Variants in RGS22 observed in about 807,000 individuals in gnomAD.
RGS22 encodes the protein regulator of G-protein signaling 22.
In RGS22, 148 loss-of-function variants were observed where a neutral mutation model predicts 172.9. The ratio of observed to expected loss-of-function variants is 0.86; its 90% CI spans 0.75 to 0.98. The LOEUF (loss-of-function observed/expected upper bound fraction) is 0.98, where lower values mean the gene tolerates loss of function less well. Among genes scored for constraint, RGS22 ranks in the 50% least tolerant of loss-of-function variants. The pLI, the probability that RGS22 is intolerant of heterozygous loss-of-function variation, is 0.00. For synonymous variants in RGS22, 458 were observed against 480.2 expected (o/e 0.95, Z 0.60); for missense variants, 1,347 against 1,440.8 (o/e 0.93, Z 1.05).
At chr8:100,076,077 CTTTTTA>C (rs1485599631) in intron 4 of RGS22, among the ~76,000 whole-genome samples, 1 of 151,952 alleles carries the variant, frequency 6.6e-6, no homozygotes, top group Non-Finnish European at 1.5e-5. Flanking sequence ...GGTTATTTGT[CTTTTTA>C]TTTTTGAGTT....
chr8:100,041,021 A>C (rs1820043960), intron 12 of RGS22, among the ~76,000 whole-genome samples: 1 of 152,244 alleles, frequency 6.6e-6, no homozygotes, highest in Non-Finnish European at 1.5e-5. Flanking sequence ...ATTTGCATAG[A>C]ATAAAATAAA....
intron 14 of RGS22, among the ~76,000 whole-genome samples, chr8:100,024,465 T>C (rs186230367): frequency 1.3e-5 from 2 of 152,186 alleles, no homozygotes; most frequent in East Asian, 3.9e-4. Flanking sequence ...AGTTCATGAA[T>C]TTTTTCAATA....
chr8:99,964,211 G>A (rs1810490039), intron 24 of RGS22, among the ~76,000 whole-genome samples: 1 of 152,132 alleles, frequency 6.6e-6, no homozygotes, highest in African/African-American at 2.4e-5. Flanking sequence ...CTAGCACTTT[G>A]GAAGGCTAAG....
At position 99,961,011 on chromosome 8, in the gene RGS22, T is replaced by C. The variant is rs1450498318; in HGVS notation, c.*231A>G. On this transcript the variant is annotated 3_prime_UTR_variant, in exon 28 of 28. Coordinates refer to ENST00000360863, the MANE Select transcript of RGS22 (RefSeq NM_015668.5). ...ACAGTTCTTATAGTCTTGTATGTCA[T>C]GTGTACAGAATAGCTATAATTTTAA... 3.4e-6 allele frequency: 1 copy of C among 297,830 alleles called. No individual in the cohort carries two copies. Among genetic ancestry groups the C allele is most frequent in the Non-Finnish European group, 6.6e-6 (1 of 151,362 alleles). 18.4% of individuals were successfully genotyped at this position (297,830 alleles called of 1,614,324 possible). A position where few individuals can be genotyped will look rare whatever the true frequency, so the allele number is the denominator to read the frequency against.
At chr8:100,024,571 A>T (rs927466932) in intron 14 of RGS22, among the ~76,000 whole-genome samples, 7 of 152,224 alleles carry the variant, frequency 4.6e-5, no homozygotes, top group African/African-American at 1.7e-4. Flanking sequence ...CACGGAGAAA[A>T]AAAATATTAA....
chr8:100,000,521 T>A (rs1399634485), intron 18 of RGS22, among the ~76,000 whole-genome samples: 2 of 152,152 alleles, frequency 1.3e-5, no homozygotes, highest in African/African-American at 4.8e-5. Flanking sequence ...TTAAAAGTGA[T>A]GACAAAGACA....
chr8:99,983,070 T>C (rs539032184), intron 21 of RGS22, among the ~76,000 whole-genome samples: 2 of 152,316 alleles, frequency 1.3e-5, no homozygotes, highest in African/African-American at 4.8e-5. Flanking sequence ...TGGTTTTCTT[T>C]TCCTGCATTA....
chr8:99,991,060 C>T (rs202023430), intron 20 of RGS22, among the ~76,000 whole-genome samples: 1 of 151,956 alleles, frequency 6.6e-6, no homozygotes, highest in Admixed American at 6.6e-5. Flanking sequence ...CAGAAAGGAA[C>T]AGCATCAACA....
At chr8:100,013,174 A>G (rs1378753209) in intron 14 of RGS22, among the ~76,000 whole-genome samples, 1 of 151,984 alleles carries the variant, frequency 6.6e-6, no homozygotes, top group African/African-American at 2.4e-5. Context: ...TATTTTTAGT[A>G]GAGATGGGGT....
At chr8:100,059,669 A>T (rs570996777) in intron 9 of RGS22, among the ~76,000 whole-genome samples, 32 of 152,288 alleles carry the variant, frequency 2.1e-4, no homozygotes, top group Middle Eastern at 3.4e-3. Flanking sequence ...ACAAAGAGAG[A>T]TAGGTCCCAA....
chr8:100,029,117 C>A (rs1371288812), intron 14 of RGS22, among the ~76,000 whole-genome samples: 1 of 152,120 alleles, frequency 6.6e-6, no homozygotes, highest in African/African-American at 2.4e-5. Flanking sequence ...CAATGTGTTA[C>A]CCTGATGTCC....
At chr8:100,075,120 T>G (rs1475740802) in intron 4 of RGS22, among the ~76,000 whole-genome samples, 1 of 152,112 alleles carries the variant, frequency 6.6e-6, no homozygotes, top group Non-Finnish European at 1.5e-5. Context: ...TGGGTAATAC[T>G]CAGGAGTAGG....
intron 10 of RGS22, among the ~76,000 whole-genome samples, chr8:100,049,232 C>CA (rs1255140114): frequency 6.6e-6 from 1 of 152,094 alleles, no homozygotes; most frequent in Non-Finnish European, 1.5e-5. Flanking sequence ...GGTGGATACA[C>CA]AATGTATACT....
In RGS22 at chr8:100,062,627, A is replaced by G. The variant is rs771043124; in HGVS notation, c.1478T>C (p.Ile493Thr). The G allele has an allele frequency of 1.2e-6, 2 of 1,605,004 alleles. No homozygotes were observed. The highest frequency in any genetic ancestry group is 1.7e-5 in the Admixed American group (1 of 59,062). The part of the protein sequence containing the change: ...SQWNEEHLRN[I>T]QSEVLKPLLL... ...TAAAGGTTTTAAAACTTCAGACTGA[A>G]TATTTCTTAAATGCTCTTCATTCCA... Residue 493 changes from isoleucine to threonine, a missense_variant, in exon 9 of 28, where the codon ATT becomes ACT. Physicochemically the swap from Ile to Thr is moderately conservative, Grantham distance 89 (BLOSUM62 -1). Coordinates refer to ENST00000360863, the MANE Select transcript of RGS22 (RefSeq NM_015668.5).
intron 16 of RGS22, among the ~76,000 whole-genome samples, chr8:100,005,150 A>G (rs1563603869): frequency 6.6e-6 from 1 of 152,046 alleles, no homozygotes; most frequent in Non-Finnish European, 1.5e-5. Flanking sequence ...ATCCTTTGCA[A>G]GCTAGTAGTA....
intron 4 of RGS22, among the ~76,000 whole-genome samples, chr8:100,078,995 T>C (rs1161597784): frequency 6.6e-6 from 1 of 152,262 alleles, no homozygotes; most frequent in Non-Finnish European, 1.5e-5. Flanking sequence ...ATAGACATGC[T>C]TAATTAATCA....
intron 14 of RGS22, among the ~76,000 whole-genome samples, chr8:100,011,928 T>C (rs913545111): frequency 1.3e-5 from 2 of 151,974 alleles, no homozygotes; most frequent in African/African-American, 4.8e-5. Flanking sequence ...TAAATACTTA[T>C]TGCAAAATAA....
intron 3 of RGS22, among the ~76,000 whole-genome samples, chr8:100,083,485 A>G (rs1281566368): frequency 6.6e-6 from 1 of 152,016 alleles, no homozygotes; most frequent in East Asian, 1.9e-4. Flanking sequence ...CTCTTGCCTC[A>G]GCCTCCTGAG....
chr8:100,052,810 C>T lies in RGS22; in HGVS notation c.1681G>A (p.Glu561Lys). The change falls in exon 10 of 28, where the codon GAG becomes AAG. Residue 561 changes from glutamate (E) to lysine (K), a missense_variant. By Grantham distance (56) the Glu-to-Lys change is moderately conservative (BLOSUM62 1). Coordinates refer to ENST00000360863, the MANE Select transcript of RGS22 (RefSeq NM_015668.5). ...RPKSCIPQIP[E>K]IQKEEFSLSQ... Reference sequence around the variant, plus strand: ...ATGAATGTACACCCTACCTGGATCTCAGGTATCTGTGGAATGCAAGATTTG... The same window carrying T: ...ATGAATGTACACCCTACCTGGATCTTAGGTATCTGTGGAATGCAAGATTTG... 6.2e-7 allele frequency: 1 copy of T among 1,613,918 alleles called. No individual in the cohort carries two copies. The highest frequency in any genetic ancestry group is 1.3e-5 in the African/African-American group (1 of 75,030).
Sources: gnomAD v4.1 joint callset for allele counts (sites outside exome capture counted in the v4.1 genomes callset) on GRCh38, gnomAD v4.1.1 for gene constraint, MANE v1.5 for transcripts, NCBI Gene and HGNC (gene_info 2026-07-23, HGNC 2026-07-21) for gene names.